The following TSGA10 variants were observed in gnomAD, a reference collection of about 807,000 sequenced individuals.
TSGA10 encodes testis-specific gene 10 protein.
Under a neutral mutation model 96.6 loss-of-function variants are expected in TSGA10, and 43 were observed. The ratio of observed to expected loss-of-function variants is 0.44; its 90% CI spans 0.35 to 0.57. The LOEUF is 0.57. Ranked by LOEUF, TSGA10 falls within the 20% of genes least tolerant of loss-of-function variation. The pLI is 0.01. For missense variants in TSGA10, 703 were observed against 834.4 expected (o/e 0.84, Z 1.94); for synonymous variants, 229 against 269.9 (o/e 0.85, Z 1.48).
At chr2:99,003,985 T>A (rs2078226983) in intron 20 of TSGA10, among the ~76,000 whole-genome samples, 2 of 152,100 alleles carry the variant, frequency 1.3e-5, no homozygotes, top group African/African-American at 4.8e-5. Context: ...TAAAAAACCC[T>A]TCAAAAAATC....
chr2:99,113,907 T>C (rs915836957), intron 4 of TSGA10, among the ~76,000 whole-genome samples: 2 of 152,186 alleles, frequency 1.3e-5, no homozygotes, highest in East Asian at 1.9e-4. Flanking sequence ...TAAGCCACTC[T>C]TGAATTCCCA....
At chr2:99,086,495 GATC>G (rs1265119861) in intron 10 of TSGA10, among the ~76,000 whole-genome samples, 2 of 152,158 alleles carry the variant, frequency 1.3e-5, no homozygotes, top group Admixed American at 6.5e-5. Context: ...AAATAATTAT[GATC>G]ATATCAACAG....
At chr2:99,125,503 T>A (rs2092779072) in intron 2 of TSGA10, 1 of 152,234 alleles carries the variant, frequency 6.6e-6, no homozygotes, top group Non-Finnish European at 1.5e-5. Context: ...TTAAAGTCCT[T>A]GCCAGATAAT....
chr2:99,143,721 C>G (rs1339160655), intron 1 of TSGA10, among the ~76,000 whole-genome samples: 3 of 152,092 alleles, frequency 2.0e-5, no homozygotes, highest in Non-Finnish European at 2.9e-5. Context: ...ATCCACCCAC[C>G]TCAGCATCCC....
intron 1 of TSGA10, among the ~76,000 whole-genome samples, chr2:99,140,234 A>G (rs2093481940): frequency 1.3e-5 from 2 of 152,246 alleles, no homozygotes; most frequent in African/African-American, 4.8e-5. Context: ...AATACAAACA[A>G]GAATCTGTCT....
At chr2:99,070,969 C>A (rs2085897387) in intron 14 of TSGA10, among the ~76,000 whole-genome samples, 1 of 152,010 alleles carries the variant, frequency 6.6e-6, no homozygotes, top group Admixed American at 6.6e-5. Flanking sequence ...TCCCATTATT[C>A]ATTTACTTTT....
chr2:99,132,865 A>C (rs2093158360), intron 1 of TSGA10, among the ~76,000 whole-genome samples: 1 of 152,100 alleles, frequency 6.6e-6, no homozygotes, highest in South Asian at 2.1e-4. Flanking sequence ...TTATGTACCC[A>C]TTATCATTCA....
At chr2:99,140,161 A>C (rs1312611451) in intron 1 of TSGA10, among the ~76,000 whole-genome samples, 1 of 152,220 alleles carries the variant, frequency 6.6e-6, no homozygotes, top group Non-Finnish European at 1.5e-5. Flanking sequence ...TATTTAATTA[A>C]TGTACCGTCC....
chr2:99,044,066 G>A (rs2082480071), intron 16 of TSGA10, among the ~76,000 whole-genome samples: 3 of 152,130 alleles, frequency 2.0e-5, no homozygotes, highest in Admixed American at 6.6e-5. Context: ...ACCAGCCACT[G>A]CAAAAACATA....
intron 16 of TSGA10, among the ~76,000 whole-genome samples, chr2:99,056,216 G>T (rs574047843): frequency 6.8e-5 from 10 of 146,816 alleles, no homozygotes; most frequent in Non-Finnish European, 1.3e-4. Context: ...AAAAAAAAAA[G>T]AAAATAACAA....
chr2:99,130,440 T>C (rs890866154), intron 1 of TSGA10, among the ~76,000 whole-genome samples: 11 of 152,224 alleles, frequency 7.2e-5, no homozygotes, highest in Non-Finnish European at 1.6e-4. Context: ...GAAGTGTCTG[T>C]TCATATCCTT....
At chr2:99,020,149 G>T in intron 18 of TSGA10, 131 bp downstream of exon 18, 1 of 685,002 alleles carries the variant, frequency 1.5e-6, no homozygotes, top group Non-Finnish European at 2.5e-6. Context: ...CACCTCTTAG[G>T]CAAATCACAG....
intron 20 of TSGA10, 84 bp from the exon 21 acceptor site, chr2:98,998,305 C>G: frequency 1.8e-6 from 2 of 1,104,586 alleles, no homozygotes; most frequent in South Asian, 2.9e-5. Flanking sequence ...GTAAGTGTAT[C>G]ACTTCAGCAA....
intron 10 of TSGA10, among the ~76,000 whole-genome samples, chr2:99,085,664 T>C (rs1448477211): frequency 7.6e-6 from 1 of 131,154 alleles, no homozygotes; most frequent in Admixed American, 7.4e-5. Context: ...TAGAAAAATT[T>C]AAAAAACTAA....
At chr2:99,005,415 C>T (rs2078374707) in intron 20 of TSGA10, among the ~76,000 whole-genome samples, 1 of 152,154 alleles carries the variant, frequency 6.6e-6, no homozygotes, top group African/African-American at 2.4e-5. Context: ...CCCAAAATCT[C>T]CTTAAGCTGA....
chr2:99,124,603 G>A (rs1414877168), intron 2 of TSGA10, among the ~76,000 whole-genome samples: 2 of 151,084 alleles, frequency 1.3e-5, no homozygotes, highest in Non-Finnish European at 2.9e-5. Context: ...ATATTTTTTT[G>A]AGACAGAATC....
intron 17 of TSGA10, among the ~76,000 whole-genome samples, chr2:99,026,036 T>C (rs75213875): frequency 0.045 from 6,793 of 152,312 alleles, 319 homozygotes; most frequent in East Asian, 0.21. Flanking sequence ...GGATCTTCCA[T>C]GTTGAGAAGA....
intron 1 of TSGA10, among the ~76,000 whole-genome samples, chr2:99,149,527 C>T (rs1213143232): frequency 6.6e-6 from 1 of 150,416 alleles, no homozygotes; most frequent in East Asian, 2.0e-4. Flanking sequence ...ACTGCAACCT[C>T]AGCCTCCCGG....
At chr2:99,020,050 A>G (rs1244720493) in intron 18 of TSGA10, among the ~76,000 whole-genome samples, 3 of 152,172 alleles carry the variant, frequency 2.0e-5, no homozygotes, top group African/African-American at 7.2e-5. Flanking sequence ...TAGATCAGAC[A>G]TTCTATCATA....
Sources: allele counts gnomAD v4.1 joint callset (sites outside exome capture counted in the v4.1 genomes callset), GRCh38; gene constraint gnomAD v4.1.1; transcripts MANE v1.5; gene names NCBI Gene and HGNC (gene_info 2026-07-23, HGNC 2026-07-21).